Variants in KCNK7 observed in about 807,000 individuals in gnomAD.
KCNK7 encodes the protein potassium channel subfamily K member 7.
In KCNK7, 14 loss-of-function variants were observed where a neutral mutation model predicts 18.1. That is an observed-to-expected ratio of 0.77 (90% CI 0.51 to 1.21). The LOEUF (loss-of-function observed/expected upper bound fraction) is 1.21, where lower values mean the gene tolerates loss of function less well. Among genes scored for constraint, KCNK7 ranks in the 50% most tolerant of loss-of-function variants. KCNK7 has a pLI of 0.00. For missense variants in KCNK7, 385 were observed against 387.3 expected, an observed-to-expected ratio of 0.99 and a Z score of 0.05; for synonymous variants, 188 against 184.7, an observed-to-expected ratio of 1.02 and a Z score of -0.15.
Position 65,593,153 on chromosome 11 carries a change from A to G in KCNK7, c.776T>C (p.Leu259Pro). 1.2e-6 allele frequency: 2 copies of G among 1,613,712 alleles called. No homozygotes were observed. The highest frequency in any genetic ancestry group is 2.7e-5 in the African/African-American group (2 of 75,044). ...CTTCCCCATGGCACGGACCTGCGGC[A>G]GCTCAGAGAAGGTCTCCACTGCCAG... ...MLLAVETFSE[L>P]PQVRAMGKFF... The change falls in exon 3 of 3, where the codon CTG (leucine) becomes CCG (proline). Residue 259 changes from leucine (L) to proline (P), a missense_variant. Coordinates refer to ENST00000340313, the MANE Select transcript of KCNK7 (RefSeq NM_033347.2).
chr11:65,594,118 G>A lies in KCNK7; in HGVS notation c.320-244C>T, dbSNP rs562649738. Among the ~76,000 whole-genome samples, 81 of 152,342 alleles carry A rather than the reference G, an allele frequency of 5.3e-4. 1 individual carries two copies. In the South Asian group the frequency reaches 0.016, roughly 30 times the overall value. On this transcript the variant is annotated intron_variant, in intron 1 of 2. Coordinates refer to ENST00000340313, the MANE Select transcript of KCNK7 (RefSeq NM_033347.2). ...ACAGTTCCTCAGGCCTTTTGTAGCT[G>A]GGACAATTCTGAGAACTGCGCTGCC...
rs137912159 is a variant in KCNK7 at position 65,593,750 on chromosome 11, G to A, written c.444C>T (p.Leu148=). 9 of 1,611,202 alleles carry A rather than the reference G, an allele frequency of 5.6e-6. No homozygotes were observed. In the African/African-American group the frequency reaches 1.1e-4, roughly 19 times the overall value. ...CCGCTACCCAGGCACGTGGGCGGCT[G>A]AGCACAGGCAGCAGGCAATGGCGCA... The part of the protein sequence containing the change: ...ATLRHCLLPV[L]SRPRAWVAVH... Residue 148 remains leucine, a synonymous_variant, in exon 2 of 3, where the codon CTC becomes CTT. Transcript: ENST00000340313.
Position 65,595,586 on chromosome 11 carries a change from G to C in KCNK7, c.187C>G (p.Leu63Val), listed in dbSNP as rs751915008. The C allele has an allele frequency of 6.3e-7, 1 of 1,592,940 alleles. No individual in the cohort carries two copies. Among genetic ancestry groups the C allele is most frequent in the South Asian group, 1.1e-5 (1 of 89,542 alleles). Residue 63 changes from leucine to valine, a missense_variant, in exon 1 of 3, where the codon CTG becomes GTG. By Grantham distance (32) the Leu-to-Val change is conservative (BLOSUM62 1). Coordinates refer to ENST00000340313, the MANE Select transcript of KCNK7 (RefSeq NM_033347.2). ...EHRACLPPGA[L>V]EELLGTALAT... ...AGGGCAGTGCCCAGCAGCTCTTCCA[G>C]AGCTCCGGGTGGCAGGCAGGCCCTA...
intron 2 of KCNK7, 34 bp from the exon 3 acceptor site, chr11:65,593,244 G>C: frequency 6.2e-7 from 1 of 1,613,340 alleles, no homozygotes; most frequent in South Asian, 1.1e-5. Flanking sequence ...CAGCGCCTGG[G>C]TTCTGGTGAT....
Position 65,595,630 on chromosome 11 carries a change from G to T in KCNK7, c.143C>A (p.Ala48Glu), listed in dbSNP as rs770849577. ...RLQAELRAEL[A>E]AFQAEHRACL... ...GGCCCTATGCTCTGCCTGGAAGGCT[G>T]CCAGCTCTGCCCTGAGCTCAGCCTG... Residue 48 changes from alanine to glutamate, a missense_variant, in exon 1 of 3, where the codon GCA (alanine) becomes GAA (glutamate). Ala to Glu is a moderately radical substitution (Grantham distance 107). Transcript: ENST00000340313. 3.1e-6 allele frequency: 5 copies of T among 1,604,052 alleles called. No individual in the cohort carries two copies. In the East Asian group the frequency reaches 1.1e-4, roughly 36 times the overall value.
chr11:65,593,700 CT>C lies in KCNK7; in HGVS notation c.493del (p.Arg165GlyfsTer65). 6.2e-7 allele frequency: 1 copy of C among 1,608,298 alleles called. No individual in the cohort carries two copies. ...VAVHWQLSPA[R>X]AALLQAVALG... Reference sequence around the variant, plus strand: ...TGCAACTGCCTGCAGCAGCGCAGCCCTGGCCGGTGACAGCTGCCAGTGGACC... The same window carrying C: ...TGCAACTGCCTGCAGCAGCGCAGCCCGGCCGGTGACAGCTGCCAGTGGACC... On this transcript the variant is annotated frameshift_variant, in exon 2 of 3. Transcript: ENST00000340313. LOFTEE classifies it high-confidence loss of function.
chr11:65,593,920 G>C, intron 1 of KCNK7, 46 bp from the exon 2 acceptor site: 1 of 1,492,260 alleles, frequency 6.7e-7, no homozygotes, highest in Admixed American at 2.3e-5. Flanking sequence ...TGAGTGCCAT[G>C]TCTGCTGGGG....
chr11:65,595,230 C>A (rs1480343975), intron 1 of KCNK7, among the ~76,000 whole-genome samples: 1 of 152,226 alleles, frequency 6.6e-6, no homozygotes, highest in Non-Finnish European at 1.5e-5. Flanking sequence ...TCAAAGGGTG[C>A]CTGGGGTGGG....
In KCNK7 at chr11:65,593,556, A is replaced by G. The variant is rs1322292252; in HGVS notation, c.638T>C (p.Ile213Thr). Residue 213 changes from isoleucine (I) to threonine (T), a missense_variant, in exon 2 of 3, where the codon ATT (isoleucine) becomes ACT (threonine). By Grantham distance (89) the Ile-to-Thr change is moderately conservative. Coordinates refer to ENST00000340313, the MANE Select transcript of KCNK7 (RefSeq NM_033347.2). Reference protein sequence around the residue: ...VYFCFSSLSTIGLEDLLPGRG... With the variant: ...VYFCFSSLSTTGLEDLLPGRG... ...GCCGGGCAGCAAGTCCTCCAGGCCA[A>G]TGGTGCTGAGCGAGCTGAAGCAGAA... 3 of 1,610,268 alleles carry G rather than the reference A, an allele frequency of 1.9e-6. No homozygotes were observed. Among genetic ancestry groups the G allele is most frequent in the Non-Finnish European group, 2.5e-6 (3 of 1,179,970 alleles).
chr11:65,593,872 A>G lies in KCNK7; in HGVS notation c.322T>C (p.Tyr108His), dbSNP rs768469991. The G allele has an allele frequency of 2.6e-6, 4 of 1,526,708 alleles. No homozygotes were observed. Among genetic ancestry groups the G allele is most frequent in the Non-Finnish European group, 3.5e-6 (4 of 1,138,300 alleles). The allele number at this position is 1,526,708 out of a possible 1,614,324, so 94.6% of individuals were successfully genotyped here. The change falls in exon 2 of 3, where the codon TAT becomes CAT. Residue 108 changes from tyrosine to histidine, a missense_variant and splice_region_variant. Physicochemically the swap from Tyr to His is moderately conservative, Grantham distance 83 (BLOSUM62 2). Coordinates refer to ENST00000340313, the MANE Select transcript of KCNK7 (RefSeq NM_033347.2). ...GGCGATAGTGGGGCCATGTGGCCATAACCTGGAGAAGAGAGAGTCAGTGGA... is the reference window on the plus strand; with the variant it reads ...GGCGATAGTGGGGCCATGTGGCCATGACCTGGAGAAGAGAGAGTCAGTGGA... ...FAASILTTTG[Y>H]GHMAPLSPGG...
Position 65,593,215 on chromosome 11 carries a change from G to A in KCNK7, c.719-5C>T. The A allele has an allele frequency of 6.2e-7, 1 of 1,613,020 alleles. No individual in the cohort carries two copies. Among genetic ancestry groups the A allele is most frequent in the Non-Finnish European group, 8.5e-7 (1 of 1,179,518 alleles). Reference sequence around the variant, plus strand: ...AGAGTCCTAGAAGCAAGTAACCTGGGGAGGAGAAGGTGCTGGGGCAGCGCC... The same window carrying A: ...AGAGTCCTAGAAGCAAGTAACCTGGAGAGGAGAAGGTGCTGGGGCAGCGCC... On this transcript the variant is annotated splice_region_variant and splice_polypyrimidine_tract_variant and intron_variant, in intron 2 of 2. Transcript: ENST00000340313.
In KCNK7 at chr11:65,592,910, C is replaced by T; in HGVS notation, c.*95G>A. The T allele has an allele frequency of 1.4e-6, 2 of 1,440,250 alleles. No homozygotes were observed. The highest frequency in any genetic ancestry group is 2.2e-5 in the Admixed American group (1 of 46,170). 89.2% of individuals were successfully genotyped at this position (1,440,250 alleles called of 1,614,324 possible). ...TCTGAGGCCTCCCGCCCACCCTCAC[C>T]GCGGCTCCATCTCCAGATTCTTCCC... On this transcript the variant is annotated 3_prime_UTR_variant, in exon 3 of 3. Coordinates refer to ENST00000340313, the MANE Select transcript of KCNK7 (RefSeq NM_033347.2).
In KCNK7 at chr11:65,593,216, G is replaced by A. The variant is rs567981716; in HGVS notation, c.719-6C>T. On this transcript the variant is annotated splice_region_variant and splice_polypyrimidine_tract_variant and intron_variant, in intron 2 of 2. Transcript: ENST00000340313. ...GAGTCCTAGAAGCAAGTAACCTGGG[G>A]AGGAGAAGGTGCTGGGGCAGCGCCT... 2 of 1,612,928 alleles carry A rather than the reference G, an allele frequency of 1.2e-6. No individual in the cohort carries two copies. Among genetic ancestry groups the A allele is most frequent in the African/African-American group, 2.7e-5 (2 of 74,854 alleles).
Position 65,595,741 on chromosome 11 carries a change from C to T in KCNK7, c.32G>A (p.Gly11Glu). 1.3e-6 allele frequency: 2 copies of T among 1,571,410 alleles called. No homozygotes were observed. The highest frequency in any genetic ancestry group is 1.1e-5 in the South Asian group (1 of 87,794). Reference protein sequence around the residue: MGGLRPWSRYGLLVVAHLLAL... With the variant: MGGLRPWSRYELLVVAHLLAL... ...CAGCAAGTGGGCCACAACCAGGAGC[C>T]CGTATCGGGACCAGGGCCTTAGACC... is the stretch of plus-strand genomic sequence containing the variant. Residue 11 changes from glycine to glutamate, a missense_variant, in exon 1 of 3, where the codon GGG (glycine) becomes GAG (glutamate). Physicochemically the swap from Gly to Glu is moderately conservative, Grantham distance 98. Transcript: ENST00000340313.
Position 65,593,070 on chromosome 11 carries a change from C to G in KCNK7, c.859G>C (p.Asp287His). Residue 287 changes from aspartate (D) to histidine (H), a missense_variant, in exon 3 of 3, where the codon GAT becomes CAT. Coordinates refer to ENST00000340313, the MANE Select transcript of KCNK7 (RefSeq NM_033347.2). The part of the protein sequence containing the change: ...AEDQGGILGQ[D>H]ELALSTLPPA... ...GGCAGGGTGCTCAGAGCCAGTTCATCCTGCCCTAGGATGCCACCTTGGTCC... is the reference window on the plus strand; with the variant it reads ...GGCAGGGTGCTCAGAGCCAGTTCATGCTGCCCTAGGATGCCACCTTGGTCC... The G allele has an allele frequency of 6.2e-7, 1 of 1,613,510 alleles. No individual in the cohort carries two copies. The highest frequency in any genetic ancestry group is 1.1e-5 in the South Asian group (1 of 90,994).
At position 65,593,145 on chromosome 11, in the gene KCNK7, C is replaced by A. The variant is rs1198948476; in HGVS notation, c.784G>T (p.Val262Phe). ...CTGAAGAACTTCCCCATGGCACGGA[C>A]CTGCGGCAGCTCAGAGAAGGTCTCC... ...AVETFSELPQ[V>F]RAMGKFFRPS... Residue 262 changes from valine to phenylalanine, a missense_variant, in exon 3 of 3, where the codon GTC becomes TTC. Transcript: ENST00000340313. The A allele has an allele frequency of 1.2e-6, 2 of 1,613,792 alleles. No individual in the cohort carries two copies. The highest frequency in any genetic ancestry group is 2.2e-5 in the South Asian group (2 of 90,994).
Position 65,595,799 on chromosome 11 carries a change from C to G in KCNK7, c.-27G>C, listed in dbSNP as rs1210492282. 2 of 1,446,980 alleles carry G rather than the reference C, an allele frequency of 1.4e-6. No individual in the cohort carries two copies. Among genetic ancestry groups the G allele is most frequent in the Non-Finnish European group, 1.8e-6 (2 of 1,086,724 alleles). The allele number at this position is 1,446,980 out of a possible 1,614,324, so 89.6% of individuals were successfully genotyped here. A position where few individuals can be genotyped will look rare whatever the true frequency, so the allele number is the denominator to read the frequency against. ...GCAGGCCGCTGGGGTGCTGTGGGAA[C>G]TGGCGGCTCCACCTCAGGCACCTGG... On this transcript the variant is annotated 5_prime_UTR_variant, in exon 1 of 3. Coordinates refer to ENST00000340313, the MANE Select transcript of KCNK7 (RefSeq NM_033347.2).
rs1202075222 is a variant in KCNK7 at position 65,595,501 on chromosome 11, T to G, written c.272A>C (p.Asp91Ala). Residue 91 changes from aspartate (D) to alanine (A), a missense_variant, in exon 1 of 3, where the codon GAC becomes GCC. Physicochemically the swap from Asp to Ala is moderately radical, Grantham distance 126. Transcript: ENST00000340313. ...AGCGAAGAGCAGGGCTGAGGGAAGG[T>G]CCCAGGTCCTGCCCTCTGAGCTGTT... ...LGNSSEGRTWDLPSALLFAAS... is the reference protein window; with the variant it reads ...LGNSSEGRTWALPSALLFAAS... 2 of 1,513,172 alleles carry G rather than the reference T, an allele frequency of 1.3e-6. No homozygotes were observed. Among genetic ancestry groups the G allele is most frequent in the Non-Finnish European group, 1.8e-6 (2 of 1,120,594 alleles). 93.7% of individuals were successfully genotyped at this position (1,513,172 alleles called of 1,614,324 possible). A position where few individuals can be genotyped will look rare whatever the true frequency, so the allele number is the denominator to read the frequency against.
At chr11:65,594,706 C>A (rs1330193242) in intron 1 of KCNK7, among the ~76,000 whole-genome samples, 1 of 152,006 alleles carries the variant, frequency 6.6e-6, no homozygotes, top group Non-Finnish European at 1.5e-5. Flanking sequence ...CCCGTCTCTA[C>A]TAAAAACACA....
Sources: allele counts gnomAD v4.1 joint callset (sites outside exome capture counted in the v4.1 genomes callset), GRCh38; gene constraint gnomAD v4.1.1; transcripts MANE v1.5; gene names NCBI Gene and HGNC (gene_info 2026-07-23, HGNC 2026-07-21).